The following CSMD1 variants were observed in gnomAD, a reference collection of about 807,000 sequenced individuals.
CSMD1 encodes CUB and sushi domain-containing protein 1.
CSMD1 carries 213 observed loss-of-function variants against 417.5 expected under a neutral mutation model. The observed-to-expected ratio is 0.51, with a 90% confidence interval of 0.46 to 0.57. The LOEUF (loss-of-function observed/expected upper bound fraction) is 0.57, where lower values mean the gene tolerates loss of function less well. Ranked by LOEUF, CSMD1 falls within the 20% of genes least tolerant of loss-of-function variation. The pLI, the probability that CSMD1 is intolerant of heterozygous loss-of-function variation, is 0.00. For synonymous variants in CSMD1, 2,862 were observed against 1,736.8 expected, an observed-to-expected ratio of 1.65 and a Z score of -16.11; for missense variants, 6,923 against 4,529.7, an observed-to-expected ratio of 1.53 and a Z score of -15.17.
chr8:4,802,864 G>A (rs1043542424), intron 1 of CSMD1, among the ~76,000 whole-genome samples: 2 of 152,182 alleles, frequency 1.3e-5, no homozygotes, highest in Admixed American at 6.5e-5. Context: ...CCTTAGAGAT[G>A]CAAATATCAT....
chr8:3,969,269 A>C (rs1812910452), intron 5 of CSMD1, among the ~76,000 whole-genome samples: 1 of 152,184 alleles, frequency 6.6e-6, no homozygotes, highest in South Asian at 2.1e-4. Context: ...AGATAAAAAG[A>C]GTGGCTGTAG....
intron 12 of CSMD1, among the ~76,000 whole-genome samples, chr8:3,458,396 T>A (rs1480274671): frequency 6.6e-6 from 1 of 152,046 alleles, no homozygotes; most frequent in African/African-American, 2.4e-5. Context: ...CAGAAAAAAA[T>A]GGAAATCAAG....
chr8:4,671,613 C>G (rs1030948351), intron 1 of CSMD1, among the ~76,000 whole-genome samples: 1 of 152,208 alleles, frequency 6.6e-6, no homozygotes, highest in African/African-American at 2.4e-5. Flanking sequence ...TCAACAGTTC[C>G]TCTCTCAGCA....
intron 69 of CSMD1, among the ~76,000 whole-genome samples, chr8:2,940,344 G>A (rs1801782423): frequency 1.3e-5 from 2 of 152,154 alleles, no homozygotes; most frequent in Non-Finnish European, 2.9e-5. Flanking sequence ...CCTCATAGCC[G>A]TCCTCTTGAG....
intron 6 of CSMD1, among the ~76,000 whole-genome samples, chr8:3,735,148 T>C (rs1175508633): frequency 6.6e-6 from 1 of 152,250 alleles, no homozygotes; most frequent in East Asian, 1.9e-4. Flanking sequence ...TTCCTTCAGC[T>C]GATACATTCC....
At chr8:4,390,836 C>T (rs553470329) in intron 3 of CSMD1, among the ~76,000 whole-genome samples, 18 of 152,162 alleles carry the variant, frequency 1.2e-4, no homozygotes, top group Admixed American at 1.0e-3. Flanking sequence ...CCACCATGCC[C>T]GGCCAAAAGT....
chr8:4,859,872 A>C (rs1202917640), intron 1 of CSMD1, among the ~76,000 whole-genome samples: 1 of 152,164 alleles, frequency 6.6e-6, no homozygotes, highest in Non-Finnish European at 1.5e-5. Context: ...GGGATGTAGA[A>C]CTGGAAATAC....
chr8:4,228,381 A>C (rs1415083852), intron 3 of CSMD1, among the ~76,000 whole-genome samples: 1 of 151,962 alleles, frequency 6.6e-6, no homozygotes, highest in African/African-American at 2.4e-5. Context: ...GAAACCGCTC[A>C]TGTCAAGGTT....
chr8:3,111,781 G>A (rs568835879), intron 42 of CSMD1, among the ~76,000 whole-genome samples: 5 of 152,012 alleles, frequency 3.3e-5, no homozygotes, highest in East Asian at 1.9e-4. Flanking sequence ...GTAGTAAGCC[G>A]AGATTGTGCC....
At chr8:4,280,474 C>T (rs998125201) in intron 3 of CSMD1, among the ~76,000 whole-genome samples, 2 of 152,160 alleles carry the variant, frequency 1.3e-5, no homozygotes, top group Admixed American at 6.5e-5. Flanking sequence ...ATCACTGTTT[C>T]AGTATATCCT....
At position 4,834,038 on chromosome 8, in the gene CSMD1, A is replaced by G. The variant is rs183382226; in HGVS notation, c.85+160294T>C. 4.4e-4 allele frequency among the ~76,000 whole-genome samples: 67 copies of G among 152,310 alleles called. 1 individual carries two copies. The East Asian group carries it at 0.012, about 28-fold the overall frequency. ...CCGGGATGCAATATCGTACGTGGCC[A>G]GTAGGTGCCACCATTAGCAATGTAA... On this transcript the variant is annotated intron_variant, in intron 1 of 69. Coordinates refer to ENST00000635120, the MANE Select transcript of CSMD1 (RefSeq NM_033225.6).
chr8:3,951,069 A>T lies in CSMD1; in HGVS notation c.818+46834T>A, dbSNP rs138000920. ...TTAAAGCTGTTTCAACTATTTGAAAATAATACTTGAATTTTATACATTAAT... is the reference window on the plus strand; with the variant it reads ...TTAAAGCTGTTTCAACTATTTGAAATTAATACTTGAATTTTATACATTAAT... On this transcript the variant is annotated intron_variant, in intron 5 of 69. Transcript: ENST00000635120. Among the ~76,000 whole-genome samples, 911 of 152,354 alleles carry T rather than the reference A, an allele frequency of 6.0e-3. 9 individuals carry two copies. The highest frequency in any genetic ancestry group is 0.018 in the African/African-American group (738 of 41,582).
intron 1 of CSMD1, among the ~76,000 whole-genome samples, chr8:4,892,961 T>C (rs1804223782): frequency 6.6e-6 from 1 of 152,150 alleles, no homozygotes; most frequent in African/African-American, 2.4e-5. Flanking sequence ...ATGAGCATAT[T>C]GTGAAAGATT....
rs551190382 is a variant in CSMD1, at chr8:4,970,379, A to C, written c.85+23953T>G. 2.0e-5 allele frequency among the ~76,000 whole-genome samples: 3 copies of C among 152,276 alleles called. No homozygotes were observed. In the East Asian group the frequency reaches 5.8e-4, roughly 29 times the overall value. ...AGATTCAAAAATGGTATCAGCTTTTATGCTAATGTTATCATTATTTTTATC... is the reference window on the plus strand; with the variant it reads ...AGATTCAAAAATGGTATCAGCTTTTCTGCTAATGTTATCATTATTTTTATC... On this transcript the variant is annotated intron_variant, in intron 1 of 69. Transcript: ENST00000635120.
chr8:4,749,457 G>C (rs1361068393), intron 1 of CSMD1, among the ~76,000 whole-genome samples: 2 of 152,162 alleles, frequency 1.3e-5, no homozygotes, highest in Non-Finnish European at 2.9e-5. Context: ...ATAAGGTTAA[G>C]ACCCTTCTTG....
chr8:4,214,773 A>G (rs1800533246), intron 3 of CSMD1, among the ~76,000 whole-genome samples: 2 of 152,206 alleles, frequency 1.3e-5, no homozygotes, highest in South Asian at 4.1e-4. Context: ...AAATGCTGTG[A>G]TGCACATTTC....
chr8:3,334,969 C>G (rs1807157319), intron 23 of CSMD1, among the ~76,000 whole-genome samples: 1 of 152,196 alleles, frequency 6.6e-6, no homozygotes, highest in African/African-American at 2.4e-5. Flanking sequence ...CAAAACACAA[C>G]TCTTGTAATA....
chr8:4,018,656 A>T (rs1216399261), intron 4 of CSMD1, among the ~76,000 whole-genome samples: 1 of 152,226 alleles, frequency 6.6e-6, no homozygotes, highest in East Asian at 1.9e-4. Flanking sequence ...CACTTGTTTA[A>T]TTCAAGTTGT....
rs528401494 is a variant in CSMD1 at position 4,369,332 on chromosome 8, A to T, written c.415+50621T>A. On this transcript the variant is annotated intron_variant, in intron 3 of 69. Coordinates refer to ENST00000635120, the MANE Select transcript of CSMD1 (RefSeq NM_033225.6). ...GTTGTTATGAATTGAATTTTTTTTTAAATTTATTGAGACTTGCTTTAAGGC... is the reference window on the plus strand; with the variant it reads ...GTTGTTATGAATTGAATTTTTTTTTTAATTTATTGAGACTTGCTTTAAGGC... 1.2e-3 allele frequency among the ~76,000 whole-genome samples: 178 copies of T among 151,950 alleles called. 1 individual carries two copies. In the South Asian group the frequency reaches 0.015, roughly 13 times the overall value.
Sources: allele counts gnomAD v4.1 joint callset (sites outside exome capture counted in the v4.1 genomes callset), GRCh38; gene constraint gnomAD v4.1.1; transcripts MANE v1.5; gene names NCBI Gene and HGNC (gene_info 2026-07-23, HGNC 2026-07-21).